Variants in CTNND2 observed in about 807,000 individuals in gnomAD.
CTNND2 encodes catenin delta-2.
CTNND2 carries 22 observed loss-of-function variants against 144.4 expected under a neutral mutation model. The ratio of observed to expected loss-of-function variants is 0.15; its 90% CI spans 0.11 to 0.22. CTNND2 has a LOEUF of 0.22. Ranked by LOEUF, CTNND2 falls within the 10% of genes least tolerant of loss-of-function variation. The probability of loss-of-function intolerance (pLI) is 1.00; values close to 1 mark genes in which losing one functional copy is unlikely to be tolerated. For synonymous variants in CTNND2, 751 were observed against 695.6 expected, an observed-to-expected ratio of 1.08 and a Z score of -1.25; for missense variants, 1,353 against 1,618.8, an observed-to-expected ratio of 0.84 and a Z score of 2.82.
chr5:11,155,414 G>T (rs1352584937), intron 12 of CTNND2, among the ~76,000 whole-genome samples: 1 of 152,152 alleles, frequency 6.6e-6, no homozygotes, highest in Non-Finnish European at 1.5e-5. Context: ...CCAACATTTT[G>T]CCACATTTGT....
Position 11,384,506 on chromosome 5 carries a change from T to C in CTNND2, c.1177+159A>G. ...CACTGACAAACTGTAGGGAAGATAC[T>C]GACTTGTTCCAGGAAAGCCCTGGCG... On this transcript the variant is annotated intron_variant, in intron 7 of 21. Transcript: ENST00000304623. This position sits in a 1 kb window ranked among gnomAD's most constrained non-coding sequence, Gnocchi z 5.2. 1 of 640,662 alleles carries C rather than the reference T, an allele frequency of 1.6e-6. No homozygotes were observed. The highest frequency in any genetic ancestry group is 2.7e-6 in the Non-Finnish European group (1 of 375,386). 39.7% of individuals were successfully genotyped at this position (640,662 alleles called of 1,614,324 possible). A position where few individuals can be genotyped will look rare whatever the true frequency, so the allele number is the denominator to read the frequency against.
intron 11 of CTNND2, among the ~76,000 whole-genome samples, chr5:11,195,351 C>A (rs1262514809): frequency 6.6e-6 from 1 of 152,152 alleles, no homozygotes; most frequent in Non-Finnish European, 1.5e-5. Context: ...CTAAGCATCC[C>A]TTTTCAGGAA....
chr5:11,165,288 G>T (rs1234923589), intron 11 of CTNND2, among the ~76,000 whole-genome samples: 1 of 152,090 alleles, frequency 6.6e-6, no homozygotes, highest in Non-Finnish European at 1.5e-5. Context: ...CTTATCTCTG[G>T]TGCTTCATTT....
rs551971965 is a variant in CTNND2 at position 11,479,043 on chromosome 5, T to C, written c.288-66974A>G. On this transcript the variant is annotated intron_variant, in intron 3 of 21. Transcript: ENST00000304623. ...TTGGGGTACATGTGCAGGTTTCTTA[T>C]ATAGGTTCACTTGTGTCATGGGGGT... 7.2e-5 allele frequency among the ~76,000 whole-genome samples: 11 copies of C among 152,294 alleles called. No homozygotes were observed. The South Asian group carries it at 2.3e-3, about 32-fold the overall frequency.
intron 10 of CTNND2, among the ~76,000 whole-genome samples, chr5:11,220,672 G>A (rs1739696509): frequency 6.6e-6 from 1 of 152,192 alleles, no homozygotes; most frequent in Non-Finnish European, 1.5e-5. Context: ...GTGCTGGGAT[G>A]AGTCCCAGGC....
At chr5:11,378,647 G>A (rs1021913460) in intron 7 of CTNND2, among the ~76,000 whole-genome samples, 18 of 152,312 alleles carry the variant, frequency 1.2e-4, no homozygotes, top group African/African-American at 4.1e-4. Flanking sequence ...AGCAGCAGGA[G>A]CCAGATATCA....
At chr5:11,131,681 C>T (rs922574638) in intron 12 of CTNND2, among the ~76,000 whole-genome samples, 22 of 151,994 alleles carry the variant, frequency 1.4e-4, no homozygotes, top group African/African-American at 4.3e-4. Flanking sequence ...CCCAGCTACT[C>T]GGGAGGCTGA....
intron 1 of CTNND2, among the ~76,000 whole-genome samples, chr5:11,785,997 A>G (rs979660283): frequency 6.6e-6 from 1 of 151,538 alleles, no homozygotes; most frequent in East Asian, 1.9e-4. Context: ...TGTCACTCTC[A>G]CCAACTGCAC....
chr5:11,466,443 A>G (rs915618150), intron 3 of CTNND2, among the ~76,000 whole-genome samples: 5 of 152,238 alleles, frequency 3.3e-5, no homozygotes, highest in African/African-American at 1.2e-4. Context: ...TTTGAAAAAA[A>G]TGAAAAATAT....
chr5:11,338,629 GAT>G (rs1252246252), intron 9 of CTNND2, among the ~76,000 whole-genome samples: 1 of 152,180 alleles, frequency 6.6e-6, no homozygotes, highest in Non-Finnish European at 1.5e-5. Flanking sequence ...TTGACCACAT[GAT>G]ATCATGGAGG....
intron 3 of CTNND2, among the ~76,000 whole-genome samples, chr5:11,516,360 T>TAAAA (rs1772166936): frequency 6.6e-6 from 1 of 151,482 alleles, no homozygotes; most frequent in Admixed American, 6.6e-5. Flanking sequence ...AATAAATAAA[T>TAAAA]AAAAATAAAA....
chr5:10,997,443 T>A (rs1436440095), intron 18 of CTNND2, among the ~76,000 whole-genome samples: 1 of 151,934 alleles, frequency 6.6e-6, no homozygotes, highest in African/African-American at 2.4e-5. Context: ...AATACAAAAA[T>A]TAGCTGGGCG....
chr5:11,834,029 C>T (rs780867324), intron 1 of CTNND2, among the ~76,000 whole-genome samples: 2 of 151,932 alleles, frequency 1.3e-5, no homozygotes, highest in African/African-American at 2.4e-5. Context: ...AAAAAATAAT[C>T]CTTTGTGGGA....
At chr5:11,643,392 CA>C (rs373127926) in intron 2 of CTNND2, among the ~76,000 whole-genome samples, 4,985 of 116,826 alleles carry the variant, frequency 0.043, 292 homozygotes, top group East Asian at 0.14. Flanking sequence ...CCCCTCCCCC[CA>C]CCCCACAACA....
At chr5:11,468,904 T>C (rs1288001308) in intron 3 of CTNND2, among the ~76,000 whole-genome samples, 2 of 152,182 alleles carry the variant, frequency 1.3e-5, no homozygotes, top group East Asian at 3.9e-4. Flanking sequence ...AAGAGAAGAG[T>C]CACATTTGCC....
intron 1 of CTNND2, among the ~76,000 whole-genome samples, chr5:11,783,386 CCTACT>C (rs1790651066): frequency 6.6e-6 from 1 of 152,054 alleles, no homozygotes; most frequent in East Asian, 2.0e-4. Flanking sequence ...TCTTCTGCAC[CCTACT>C]CTCAGGAATC....
intron 12 of CTNND2, among the ~76,000 whole-genome samples, chr5:11,127,264 C>G (rs1185946392): frequency 6.6e-6 from 1 of 152,206 alleles, no homozygotes; most frequent in Non-Finnish European, 1.5e-5. Context: ...TAAGTGCTTC[C>G]TGAGATCTGG....
chr5:11,519,777 G>C (rs1304784097), intron 3 of CTNND2, among the ~76,000 whole-genome samples: 1 of 151,862 alleles, frequency 6.6e-6, no homozygotes, highest in Non-Finnish European at 1.5e-5. Flanking sequence ...GGTAGGTAGA[G>C]GTATAAATTT....
intron 10 of CTNND2, among the ~76,000 whole-genome samples, chr5:11,232,802 A>G (rs1489950917): frequency 6.6e-6 from 1 of 152,138 alleles, no homozygotes; most frequent in Non-Finnish European, 1.5e-5. Context: ...GCATGGAATG[A>G]TATCGTTTGG....
Sources: gnomAD v4.1 joint callset for allele counts (sites outside exome capture counted in the v4.1 genomes callset) on GRCh38, gnomAD v4.1.1 for gene constraint, Gnocchi (gnomAD v3.1) non-coding constraint, MANE v1.5 for transcripts, NCBI Gene and HGNC (gene_info 2026-07-23, HGNC 2026-07-21) for gene names.